MRPL37: variants seen among roughly 807,000 people sequenced by gnomAD.
MRPL37 encodes the protein mitochondrial ribosomal protein L37.
In MRPL37, 34 loss-of-function variants were observed where a neutral mutation model predicts 44.1. The ratio of observed to expected loss-of-function variants is 0.77; its 90% CI spans 0.59 to 1.03. The LOEUF (loss-of-function observed/expected upper bound fraction) is 1.03, where lower values mean the gene tolerates loss of function less well. MRPL37 is among the 50% of genes least tolerant of loss of function. The probability of loss-of-function intolerance (pLI) is 0.00; values close to 1 mark genes in which losing one functional copy is unlikely to be tolerated. For missense variants in MRPL37, 532 were observed against 543.7 expected (o/e 0.98, Z 0.21); for synonymous variants, 212 against 219.5 (o/e 0.97, Z 0.30).
At chr1:54,200,881 G>A (rs1313197530) in intron 1 of MRPL37, among the ~76,000 whole-genome samples, 1 of 152,220 alleles carries the variant, frequency 6.6e-6, no homozygotes, top group Non-Finnish European at 1.5e-5. Context: ...GCCATCCTGG[G>A]CCTCTATTTC....
At chr1:54,219,353 G>A (rs557621162), downstream of MRPL37, among the ~76,000 whole-genome samples, 267 of 152,350 alleles carry the variant, frequency 1.8e-3, 2 homozygotes, top group African/African-American at 6.1e-3. Context: ...GCAAAGTGGC[G>A]TCCAGCCTGT....
intron 4 of MRPL37, 120 bp from the exon 5 acceptor site, chr1:54,212,381 C>A: frequency 8.2e-7 from 1 of 1,221,050 alleles, no homozygotes; most frequent in Non-Finnish European, 1.2e-6. Context: ...TGATAGTATC[C>A]ACCTTTGTTG....
chr1:54,225,250 A>G, downstream of MRPL37: 1 of 1,234,322 alleles, frequency 8.1e-7, no homozygotes, highest in African/African-American at 1.5e-5. Flanking sequence ...ACCTTCCGCC[A>G]AGGCCATCGC....
intron 5 of MRPL37, 42 bp from the exon 6 acceptor site, chr1:54,216,099 C>T: frequency 1.9e-6 from 3 of 1,607,566 alleles, no homozygotes; most frequent in Non-Finnish European, 1.7e-6. Flanking sequence ...CCTTACACTC[C>T]ACAGCTTCTG....
intron 4 of MRPL37, 91 bp from the exon 5 acceptor site, chr1:54,212,410 G>C: frequency 6.8e-7 from 1 of 1,468,372 alleles, no homozygotes; most frequent in Non-Finnish European, 9.4e-7. Flanking sequence ...TGTAGCACCT[G>C]TCCCTGGGCT....
Position 54,205,412 on chromosome 1 carries a change from T to G in MRPL37, c.646+2T>G. ...CGTTTTCTGCTACCTGGAACCGAGGTTGGTCATCTTGTACACCAGAAAGCC... is the reference window on the plus strand; with the variant it reads ...CGTTTTCTGCTACCTGGAACCGAGGGTGGTCATCTTGTACACCAGAAAGCC... On this transcript the variant is annotated splice_donor_variant, in intron 3 of 6. Transcript: ENST00000360840. LOFTEE classifies it high-confidence loss of function. The G allele has an allele frequency of 6.2e-7, 1 of 1,611,092 alleles. No homozygotes were observed. The highest frequency in any genetic ancestry group is 8.5e-7 in the Non-Finnish European group (1 of 1,177,532).
At chr1:54,209,835 G>A in intron 3 of MRPL37, 111 bp from the exon 4 acceptor site, 2 of 1,095,938 alleles carry the variant, frequency 1.8e-6, no homozygotes, top group Non-Finnish European at 2.6e-6. Context: ...GGCTTCCAAT[G>A]ATCCACCTGC....
In MRPL37 at chr1:54,212,585, C is replaced by T. The variant is rs868146960; in HGVS notation, c.917C>T (p.Pro306Leu). The T allele has an allele frequency of 1.2e-6, 2 of 1,614,198 alleles. No homozygotes were observed. Among genetic ancestry groups the T allele is most frequent in the African/African-American group, 1.3e-5 (1 of 75,050 alleles). Residue 306 changes from proline (P) to leucine (L), a missense_variant, in exon 5 of 7, where the codon CCA becomes CTA. Pro to Leu is a moderately conservative substitution (Grantham distance 98). Transcript: ENST00000360840. ...AATTTACGACCACACCGCCTTCAACCAGATCAGCTGCGGGCCAAGATGATC... is the reference window on the plus strand; with the variant it reads ...AATTTACGACCACACCGCCTTCAACTAGATCAGCTGCGGGCCAAGATGATC... ...KANLRPHRLQ[P>L]DQLRAKMILF... is the part of the protein sequence containing the mutation.
At chr1:54,208,161 C>T (rs181825501) in intron 3 of MRPL37, among the ~76,000 whole-genome samples, 1 of 152,278 alleles carries the variant, frequency 6.6e-6, no homozygotes, top group East Asian at 1.9e-4. Context: ...ATATGCTAAT[C>T]CGACTTCAGT....
chr1:54,211,769 C>T (rs1437043192), intron 4 of MRPL37, among the ~76,000 whole-genome samples: 7 of 152,122 alleles, frequency 4.6e-5, no homozygotes, highest in Non-Finnish European at 8.8e-5. Flanking sequence ...CTGGGATTAC[C>T]GGCATGAGCC....
In MRPL37 at chr1:54,202,004, C is replaced by CT. The variant is rs772612874; in HGVS notation, c.346+1431dup. Among the ~76,000 whole-genome samples the CT allele has an allele frequency of 2.6e-3, 369 of 141,150 alleles. 2 individuals carry two copies. Among genetic ancestry groups the CT allele is most frequent in the South Asian group, 0.017 (75 of 4,376 alleles). The allele number at this position is 141,150 out of a possible 152,430, so 92.6% of individuals were successfully genotyped here. A position where few individuals can be genotyped will look rare whatever the true frequency, so the allele number is the denominator to read the frequency against. ...GCTGCACCACAAAATCCAGAAGTTA[C>CT]TTTTTTTTTTTTTTTTGAGACAGCA... On this transcript the variant is annotated intron_variant, in intron 1 of 6. Coordinates refer to ENST00000360840, the MANE Select transcript of MRPL37 (RefSeq NM_016491.4).
intron 3 of MRPL37, 152 bp from the exon 4 acceptor site, chr1:54,209,794 G>A (rs1337069075): frequency 1.4e-6 from 1 of 738,268 alleles, no homozygotes. Context: ...ATGGGGCTTT[G>A]TCATGTTGCC....
At chr1:54,214,942 C>T (rs1211842075) in intron 5 of MRPL37, among the ~76,000 whole-genome samples, 1 of 152,114 alleles carries the variant, frequency 6.6e-6, no homozygotes. Flanking sequence ...GGCCAACAGC[C>T]CCAGTGTGGC....
chr1:54,224,900 C>A (rs1171903491), downstream of MRPL37, among the ~76,000 whole-genome samples: 1 of 147,796 alleles, frequency 6.8e-6, no homozygotes, highest in Non-Finnish European at 1.5e-5. Flanking sequence ...GCACTACTCT[C>A]AAAACCCTTC....
At chr1:54,213,740 A>C (rs556508440) in intron 5 of MRPL37, among the ~76,000 whole-genome samples, 2 of 152,214 alleles carry the variant, frequency 1.3e-5, no homozygotes, top group Non-Finnish European at 2.9e-5. Flanking sequence ...TGCTGCTACA[A>C]GCTCGAGTTT....
At chr1:54,220,932 T>C (rs1644229790), downstream of MRPL37, 1 of 391,368 alleles carries the variant, frequency 2.6e-6, no homozygotes, top group South Asian at 2.0e-5. Context: ...CATTCAAAAG[T>C]TCTTCAGTTC....
intron 3 of MRPL37, among the ~76,000 whole-genome samples, chr1:54,209,189 TC>T (rs1203777861): frequency 6.6e-6 from 1 of 152,192 alleles, no homozygotes; most frequent in African/African-American, 2.4e-5. Context: ...CATCTCTGGT[TC>T]CCCAGGTTAC....
chr1:54,208,324 T>C (rs565270228), intron 3 of MRPL37, among the ~76,000 whole-genome samples: 6 of 152,104 alleles, frequency 3.9e-5, no homozygotes, highest in Admixed American at 6.5e-5. Context: ...GGGTGGATCA[T>C]GAGGTCAGGA....
intron 4 of MRPL37, among the ~76,000 whole-genome samples, chr1:54,210,437 C>T (rs34484539): frequency 0.034 from 5,125 of 151,934 alleles, 104 homozygotes; most frequent in Non-Finnish European, 0.052. Flanking sequence ...CAAACTGTAT[C>T]ATTGGGCGTT....
Sources: gnomAD v4.1 joint callset for allele counts (sites outside exome capture counted in the v4.1 genomes callset) on GRCh38, gnomAD v4.1.1 for gene constraint, MANE v1.5 for transcripts, NCBI Gene and HGNC (gene_info 2026-07-23, HGNC 2026-07-21) for gene names.